FANCM: variants seen among roughly 807,000 people sequenced by gnomAD.
The protein encoded by FANCM is Fanconi anemia group M protein.
FANCM carries 140 observed loss-of-function variants against 199.5 expected under a neutral mutation model. That is an observed-to-expected ratio of 0.70 (90% confidence interval 0.61 to 0.81). The LOEUF is 0.81. FANCM is among the 30% of genes least tolerant of loss of function. The pLI is 0.00. For synonymous variants in FANCM, 840 were observed against 836.8 expected, an observed-to-expected ratio of 1.00 and a Z score of -0.07; for missense variants, 2,410 against 2,421.4, an observed-to-expected ratio of 1.00 and a Z score of 0.10.
chr14:45,153,994 G>A lies in FANCM; in HGVS notation c.1125G>A (p.Gln375=), dbSNP rs774077329. Residue 375 remains glutamine (Q), a synonymous_variant, in exon 6 of 23, where the codon CAG becomes CAA. Coordinates refer to ENST00000267430, the MANE Select transcript of FANCM (RefSeq NM_020937.4). ...ISLYHGYELL[Q]QMGMRSLYFF... is the part of the protein sequence containing the mutation. ...TATATCATGGTTATGAATTATTGCA[G>A]CAAATGGGAATGAGATCATTATATT... 4 of 1,589,712 alleles carry A rather than the reference G, an allele frequency of 2.5e-6. No individual in the cohort carries two copies. The highest frequency in any genetic ancestry group is 4.5e-5 in the East Asian group (2 of 44,702).
chr14:45,183,801 G>C lies in FANCM; in HGVS notation c.4414G>C (p.Glu1472Gln). ...RSELSSSDESENFPKPCSQLE... is the reference protein window; with the variant it reads ...RSELSSSDESQNFPKPCSQLE... Reference sequence around the variant, plus strand: ...AGAATTATCATCTAGTGATGAGAGTGAGAATTTTCCCAAACCATGTTCACA... The same window carrying C: ...AGAATTATCATCTAGTGATGAGAGTCAGAATTTTCCCAAACCATGTTCACA... Residue 1472 changes from glutamate to glutamine, a missense_variant, in exon 17 of 23, where the codon GAG becomes CAG. Glu to Gln is a conservative substitution (Grantham distance 29, BLOSUM62 2). Coordinates refer to ENST00000267430, the MANE Select transcript of FANCM (RefSeq NM_020937.4). 1 of 1,609,334 alleles carries C rather than the reference G, an allele frequency of 6.2e-7. No individual in the cohort carries two copies. The highest frequency in any genetic ancestry group is 8.5e-7 in the Non-Finnish European group (1 of 1,175,992).
intron 2 of FANCM, chr14:45,138,019 G>C (rs1008702298): frequency 1.3e-5 from 2 of 152,216 alleles, no homozygotes; most frequent in African/African-American, 4.8e-5. Flanking sequence ...AAACTGTGAA[G>C]ATTGTGAGTT....
intron 20 of FANCM, among the ~76,000 whole-genome samples, chr14:45,193,408 C>T (rs931494907): frequency 6.6e-6 from 1 of 152,190 alleles, no homozygotes; most frequent in Non-Finnish European, 1.5e-5. Context: ...GGCTAGCAAA[C>T]ACCAGGTAAC....
intron 10 of FANCM, 121 bp downstream of exon 10, chr14:45,164,686 TC>T: frequency 1.3e-6 from 1 of 784,714 alleles, no homozygotes; most frequent in Non-Finnish European, 2.1e-6. Flanking sequence ...TGGTTTATTT[TC>T]CCCCACTTTG....
chr14:45,179,561 C>CTTTTTTTTTTT (rs36031280), intron 14 of FANCM, among the ~76,000 whole-genome samples: 1 of 95,508 alleles, frequency 1.0e-5, no homozygotes, highest in Non-Finnish European at 2.1e-5. Flanking sequence ...TTCTTTCTTT[C>CTTTTTTTTTTT]TTTTTTTTTT....
At chr14:45,183,703 T>G (rs1889203310) in intron 16 of FANCM, 71 bp from the exon 17 acceptor site, 4 of 1,060,636 alleles carry the variant, frequency 3.8e-6, no homozygotes, top group Non-Finnish European at 1.4e-6. Context: ...CTCTGAGTTG[T>G]AAGAGCAATT....
chr14:45,178,778 G>T (rs1285613203), intron 14 of FANCM, among the ~76,000 whole-genome samples: 1 of 152,148 alleles, frequency 6.6e-6, no homozygotes, highest in African/African-American at 2.4e-5. Context: ...GAGTGGTTTT[G>T]TATTTGTTAT....
At chr14:45,143,359 G>T (rs771305390) in intron 3 of FANCM, among the ~76,000 whole-genome samples, 83 of 151,870 alleles carry the variant, frequency 5.5e-4, no homozygotes, top group Non-Finnish European at 7.6e-4. Context: ...TAGAGACAGG[G>T]TCTCCCATTG....
At chr14:45,159,060 A>G (rs1358670685) in intron 8 of FANCM, 36 bp from the exon 9 acceptor site, 1 of 1,309,856 alleles carries the variant, frequency 7.6e-7, no homozygotes, top group South Asian at 1.4e-5. Context: ...ATGCTTTGTA[A>G]AAAGTTGTAA....
chr14:45,195,789 A>T (rs906091528), intron 20 of FANCM, among the ~76,000 whole-genome samples: 1 of 152,168 alleles, frequency 6.6e-6, no homozygotes, highest in African/African-American at 2.4e-5. Context: ...ATTTTTCAAA[A>T]ATATCTTGTC....
At chr14:45,165,799 C>T (rs1887927908) in intron 10 of FANCM, among the ~76,000 whole-genome samples, 1 of 152,120 alleles carries the variant, frequency 6.6e-6, no homozygotes, top group South Asian at 2.1e-4. Context: ...GGTTTCTTAT[C>T]TGTAAAATAG....
Position 45,175,321 on chromosome 14 carries a change from A to G in FANCM, c.2567A>G (p.Lys856Arg). Reference sequence around the variant, plus strand: ...ACTAAAATTGTTTCTTTAAAGAAAAAAGTGTCTAAAGAAATAAAAAAAGAT... The same window carrying G: ...ACTAAAATTGTTTCTTTAAAGAAAAGAGTGTCTAAAGAAATAAAAAAAGAT... The part of the protein sequence containing the change: ...KPTKIVSLKK[K>R]VSKEIKKDQL... The change falls in exon 14 of 23, where the codon AAA (lysine) becomes AGA (arginine). Residue 856 changes from lysine (K) to arginine (R), a missense_variant. Physicochemically the swap from Lys to Arg is conservative, Grantham distance 26. Coordinates refer to ENST00000267430, the MANE Select transcript of FANCM (RefSeq NM_020937.4). 6.4e-7 allele frequency: 1 copy of G among 1,562,268 alleles called. No homozygotes were observed. The highest frequency in any genetic ancestry group is 1.4e-5 in the African/African-American group (1 of 72,434).
At chr14:45,155,780 T>C (rs1887143162) in intron 8 of FANCM, among the ~76,000 whole-genome samples, 1 of 152,180 alleles carries the variant, frequency 6.6e-6, no homozygotes, top group South Asian at 2.1e-4. Context: ...GCCTGGGCTA[T>C]AAGAGCAAAA....
intron 3 of FANCM, among the ~76,000 whole-genome samples, chr14:45,146,782 G>C (rs1218541903): frequency 7.1e-6 from 1 of 140,500 alleles, no homozygotes; most frequent in Non-Finnish European, 1.5e-5. Flanking sequence ...GCAGTGAGCC[G>C]AGATCGCGCC....
intron 17 of FANCM, among the ~76,000 whole-genome samples, chr14:45,184,705 C>A (rs527992812): frequency 6.8e-6 from 1 of 146,830 alleles, no homozygotes; most frequent in African/African-American, 2.5e-5. Context: ...CCAACTTTTA[C>A]TTTATTTTAT....
At chr14:45,136,727 G>C (rs968826837) in intron 1 of FANCM, among the ~76,000 whole-genome samples, 188 bp downstream of exon 1, 3 of 152,204 alleles carry the variant, frequency 2.0e-5, no homozygotes, top group Non-Finnish European at 4.4e-5. Flanking sequence ...GCTTGTCATA[G>C]TATTTTGAAG....
At chr14:45,149,937 C>G (rs1566733326) in intron 4 of FANCM, among the ~76,000 whole-genome samples, 1 of 151,970 alleles carries the variant, frequency 6.6e-6, no homozygotes, top group Non-Finnish European at 1.5e-5. Context: ...AGGACAGCAA[C>G]CCCACAACAA....
Position 45,175,348 on chromosome 14 carries a change from A to G in FANCM, c.2594A>G (p.Gln865Arg), listed in dbSNP as rs1350277774. 6 of 1,556,336 alleles carry G rather than the reference A, an allele frequency of 3.9e-6. No homozygotes were observed. The highest frequency in any genetic ancestry group is 4.4e-6 in the Non-Finnish European group (5 of 1,149,236). ...KKVSKEIKKD[Q>R]LKKENNHGII... ...GTGTCTAAAGAAATAAAAAAAGATC[A>G]GCTTAAAAAAGAAAATAATCACGGT... The change falls in exon 14 of 23, where the codon CAG (glutamine) becomes CGG (arginine). Residue 865 changes from glutamine to arginine, a missense_variant. Physicochemically the swap from Gln to Arg is conservative, Grantham distance 43. Coordinates refer to ENST00000267430, the MANE Select transcript of FANCM (RefSeq NM_020937.4).
chr14:45,150,589 C>T (rs748997301), intron 4 of FANCM, among the ~76,000 whole-genome samples: 2 of 152,162 alleles, frequency 1.3e-5, no homozygotes, highest in Admixed American at 6.5e-5. Context: ...GCTGTCTCCT[C>T]TCTCTGGAAT....
Sources: gnomAD v4.1 joint callset for allele counts (sites outside exome capture counted in the v4.1 genomes callset) on GRCh38, gnomAD v4.1.1 for gene constraint, MANE v1.5 for transcripts, NCBI Gene and HGNC (gene_info 2026-07-23, HGNC 2026-07-21) for gene names.